The following RAB22A variants were observed in gnomAD, a reference collection of about 807,000 sequenced individuals.
RAB22A encodes RAB22A, member RAS oncogene family.
In RAB22A, 13 loss-of-function variants were observed where a neutral mutation model predicts 30.2. The observed-to-expected ratio is 0.43, with a 90% CI of 0.28 to 0.68. The LOEUF is 0.68. Among genes scored for constraint, RAB22A ranks in the 30% least tolerant of loss-of-function variants. The probability of loss-of-function intolerance (pLI) is 0.18; values close to 1 mark genes in which losing one functional copy is unlikely to be tolerated. For synonymous variants in RAB22A, 89 were observed against 87.2 expected (o/e 1.02, Z -0.11); for missense variants, 177 against 246.8 (o/e 0.72, Z 1.89).
rs909997704 is a variant in RAB22A at position 58,364,771 on chromosome 20, C to G, written c.*5068C>G. On this transcript the variant is annotated 3_prime_UTR_variant, in exon 7 of 7. Transcript: ENST00000244040. Reference sequence around the variant, plus strand: ...TTCTTTTTTTAGATGGAGTCTCACTCTGTCGCCCAGGCTGGTATGCAGTGG... The same window carrying G: ...TTCTTTTTTTAGATGGAGTCTCACTGTGTCGCCCAGGCTGGTATGCAGTGG... 1.4e-5 allele frequency: 2 copies of G among 147,160 alleles called. No individual in the cohort carries two copies. Among genetic ancestry groups the G allele is most frequent in the African/African-American group, 5.1e-5 (2 of 39,538 alleles). 9.1% of individuals were successfully genotyped at this position (147,160 alleles called of 1,614,324 possible). A position where few individuals can be genotyped will look rare whatever the true frequency, so the allele number is the denominator to read the frequency against.
Position 58,366,138 on chromosome 20 carries a change from C to G in RAB22A, c.*6435C>G, listed in dbSNP as rs1410024069. Reference sequence around the variant, plus strand: ...CACCTTACCGTCTCTGTGATTGAAGCAGACTTCTCGCTTTATTTCCCTTAG... The same window carrying G: ...CACCTTACCGTCTCTGTGATTGAAGGAGACTTCTCGCTTTATTTCCCTTAG... On this transcript the variant is annotated 3_prime_UTR_variant, in exon 7 of 7. Coordinates refer to ENST00000244040, the MANE Select transcript of RAB22A (RefSeq NM_020673.3). 1 of 152,156 alleles carries G rather than the reference C, an allele frequency of 6.6e-6. No individual in the cohort carries two copies. The highest frequency in any genetic ancestry group is 1.5e-5 in the Non-Finnish European group (1 of 68,044). 9.4% of individuals were successfully genotyped at this position (152,156 alleles called of 1,614,324 possible).
intron 2 of RAB22A, among the ~76,000 whole-genome samples, chr20:58,334,869 T>C (rs936398656): frequency 6.6e-6 from 1 of 152,132 alleles, no homozygotes; most frequent in Admixed American, 6.5e-5. Flanking sequence ...TTGGCAAGAA[T>C]ATGGAATAAC....
At position 58,340,100 on chromosome 20, in the gene RAB22A, A is replaced by G. The variant is rs115371158; in HGVS notation, c.117-3618A>G. Among the ~76,000 whole-genome samples, 1,055 of 152,288 alleles carry G rather than the reference A, an allele frequency of 6.9e-3. 11 individuals are homozygous for G. Among genetic ancestry groups the G allele is most frequent in the African/African-American group, 0.022 (903 of 41,552 alleles). On this transcript the variant is annotated intron_variant, in intron 2 of 6. Transcript: ENST00000244040. ...AGAAATGCATTGTGGGGTTGAGGGG[A>G]GAAAGGTTGGCCACTTGAGCTGTGA...
At chr20:58,357,266 C>G (rs887004734) in intron 6 of RAB22A, among the ~76,000 whole-genome samples, 6 of 152,214 alleles carry the variant, frequency 3.9e-5, no homozygotes, top group African/African-American at 1.4e-4. Context: ...TACATATCCT[C>G]CTTTGTGAAG....
At chr20:58,354,351 T>TGCTCTAAGTA in intron 6 of RAB22A, 86 bp downstream of exon 6, 1 of 857,440 alleles carries the variant, frequency 1.2e-6, no homozygotes, top group Non-Finnish European at 1.8e-6. Flanking sequence ...CTGTCTTACT[T>TGCTCTAAGTA]AGAGCAGTCT....
At chr20:58,314,764 G>A (rs472199) in intron 2 of RAB22A, among the ~76,000 whole-genome samples, 1 of 151,724 alleles carries the variant, frequency 6.6e-6, no homozygotes, top group Non-Finnish European at 1.5e-5. Flanking sequence ...TTGCTTAAAC[G>A]CGGGAGGCGG....
intron 2 of RAB22A, among the ~76,000 whole-genome samples, chr20:58,340,084 T>G (rs1031018926): frequency 3.3e-5 from 5 of 152,216 alleles, no homozygotes; most frequent in African/African-American, 1.2e-4. Flanking sequence ...CAGAAATGCA[T>G]TGTGGGGTTG....
rs147981199 is a variant in RAB22A, at chr20:58,332,743, T to C, written c.117-10975T>C. Among the ~76,000 whole-genome samples, 431 of 152,188 alleles carry C rather than the reference T, an allele frequency of 2.8e-3. 2 individuals are homozygous for C. Among genetic ancestry groups the C allele is most frequent in the Middle Eastern group, 0.01 (3 of 294 alleles). ...TTGATGGAAGTGATCAATGTATAAA[T>C]CTGATAATTTCTGCAAACTCGTCAG... On this transcript the variant is annotated intron_variant, in intron 2 of 6. Coordinates refer to ENST00000244040, the MANE Select transcript of RAB22A (RefSeq NM_020673.3).
chr20:58,329,446 C>T (rs1351782326), intron 2 of RAB22A, among the ~76,000 whole-genome samples: 1 of 152,114 alleles, frequency 6.6e-6, no homozygotes, highest in Non-Finnish European at 1.5e-5. Context: ...TTATCCTGGC[C>T]TTCGTTGTTT....
In RAB22A at chr20:58,364,360, T is replaced by C. The variant is rs1205337706; in HGVS notation, c.*4657T>C. The C allele has an allele frequency of 1.3e-5, 2 of 152,246 alleles. No individual in the cohort carries two copies. Among genetic ancestry groups the C allele is most frequent in the Admixed American group, 6.5e-5 (1 of 15,294 alleles). The allele number at this position is 152,246 out of a possible 1,614,324, so 9.4% of individuals were successfully genotyped here. ...TATACCATCAGAAATAACTAATATC[T>C]GTTTTCTTTCCTTTTAGAGTATAAT... On this transcript the variant is annotated 3_prime_UTR_variant, in exon 7 of 7. Coordinates refer to ENST00000244040, the MANE Select transcript of RAB22A (RefSeq NM_020673.3).
chr20:58,339,003 G>A (rs1986811275), intron 2 of RAB22A, among the ~76,000 whole-genome samples: 1 of 152,214 alleles, frequency 6.6e-6, no homozygotes, highest in Admixed American at 6.5e-5. Flanking sequence ...AGGGTTTGCA[G>A]TAAAGAGAGG....
At chr20:58,323,194 A>C (rs1256586218) in intron 2 of RAB22A, among the ~76,000 whole-genome samples, 2 of 151,970 alleles carry the variant, frequency 1.3e-5, no homozygotes, top group African/African-American at 4.8e-5. Flanking sequence ...ACATCTTTCC[A>C]AGGGGTTTGA....
intron 2 of RAB22A, among the ~76,000 whole-genome samples, chr20:58,324,217 C>T (rs1986513884): frequency 6.6e-6 from 1 of 151,958 alleles, no homozygotes; most frequent in Non-Finnish European, 1.5e-5. Flanking sequence ...GTATGATAGT[C>T]TGATTAGAGA....
chr20:58,330,205 G>A (rs1025680039), intron 2 of RAB22A, among the ~76,000 whole-genome samples: 5 of 152,136 alleles, frequency 3.3e-5, no homozygotes, highest in Admixed American at 6.6e-5. Context: ...CCAGTCCCCT[G>A]CGGATACTGA....
At chr20:58,315,530 A>G (rs924808794) in intron 2 of RAB22A, among the ~76,000 whole-genome samples, 1 of 148,700 alleles carries the variant, frequency 6.7e-6, no homozygotes, top group Admixed American at 6.7e-5. Context: ...TATCTGCGCA[A>G]GTGACAGGGT....
chr20:58,331,956 C>G (rs1260356923), intron 2 of RAB22A, among the ~76,000 whole-genome samples: 1 of 152,210 alleles, frequency 6.6e-6, no homozygotes, highest in Non-Finnish European at 1.5e-5. Context: ...CTTGTTCTGC[C>G]TTGCCATAAG....
At chr20:58,327,001 G>C (rs1986580296) in intron 2 of RAB22A, among the ~76,000 whole-genome samples, 1 of 152,242 alleles carries the variant, frequency 6.6e-6, no homozygotes, top group East Asian at 1.9e-4. Context: ...TTTGCTGAGA[G>C]TTTTTATCAA....
intron 2 of RAB22A, among the ~76,000 whole-genome samples, chr20:58,319,029 T>C (rs1986400801): frequency 6.6e-6 from 1 of 152,188 alleles, no homozygotes; most frequent in South Asian, 2.1e-4. Context: ...CAAAATTAAA[T>C]TTTAAAAGGT....
At chr20:58,321,817 C>T (rs1319938643) in intron 2 of RAB22A, among the ~76,000 whole-genome samples, 1 of 152,120 alleles carries the variant, frequency 6.6e-6, no homozygotes, top group East Asian at 1.9e-4. Context: ...TATACATAAA[C>T]AGAAACAAGG....
Sources: allele counts gnomAD v4.1 joint callset (sites outside exome capture counted in the v4.1 genomes callset), GRCh38; gene constraint gnomAD v4.1.1; transcripts MANE v1.5; gene names NCBI Gene and HGNC (gene_info 2026-07-23, HGNC 2026-07-21).